Variants in GBE1 observed in about 807,000 individuals in gnomAD.
GBE1 encodes the protein 1,4-alpha-glucan-branching enzyme.
In GBE1, 70 loss-of-function variants were observed where a neutral mutation model predicts 88.8. That is an observed-to-expected ratio of 0.79 (90% CI 0.65 to 0.96). The LOEUF (loss-of-function observed/expected upper bound fraction) is 0.96, where lower values mean the gene tolerates loss of function less well. GBE1 is among the 40% of genes least tolerant of loss of function. The pLI, the probability that GBE1 is intolerant of heterozygous loss-of-function variation, is 0.00. For synonymous variants in GBE1, 284 were observed against 300.1 expected (o/e 0.95, Z 0.56); for missense variants, 872 against 871.0 (o/e 1.00, Z -0.01).
intron 12 of GBE1, among the ~76,000 whole-genome samples, chr3:81,537,845 C>A (rs1033871029): frequency 1.3e-5 from 2 of 151,888 alleles, no homozygotes; most frequent in African/African-American, 4.8e-5. Context: ...AGACCCCTGG[C>A]TGGGGATCTA....
chr3:81,698,446 T>C (rs1267432533), intron 2 of GBE1, among the ~76,000 whole-genome samples: 1 of 152,138 alleles, frequency 6.6e-6, no homozygotes, highest in East Asian at 1.9e-4. Flanking sequence ...TGGACAAAAA[T>C]GAATGAAAGC....
intron 1 of GBE1, among the ~76,000 whole-genome samples, chr3:81,719,932 C>T (rs1559698293): frequency 1.3e-5 from 2 of 152,034 alleles, no homozygotes; most frequent in Non-Finnish European, 2.9e-5. Context: ...GGATGTTAGC[C>T]TTGTGAATGT....
chr3:81,564,197 C>T (rs2106914127), intron 12 of GBE1, among the ~76,000 whole-genome samples: 1 of 152,118 alleles, frequency 6.6e-6, no homozygotes, highest in East Asian at 1.9e-4. Flanking sequence ...GATACAATGC[C>T]CATCCTCACA....
intron 11 of GBE1, 41 bp downstream of exon 11, chr3:81,581,124 G>C: frequency 8.7e-7 from 1 of 1,144,826 alleles, no homozygotes; most frequent in Non-Finnish European, 1.3e-6. Flanking sequence ...GAGGAAGAGA[G>C]AGAGAGAGAA....
chr3:81,740,268 T>C (rs1036815662), intron 1 of GBE1, among the ~76,000 whole-genome samples: 3 of 129,490 alleles, frequency 2.3e-5, no homozygotes, highest in African/African-American at 9.4e-5. Context: ...TTACAGTGTA[T>C]TGGTTATTTA....
intron 11 of GBE1, among the ~76,000 whole-genome samples, chr3:81,580,263 T>G (rs1270155955): frequency 6.6e-6 from 1 of 152,120 alleles, no homozygotes; most frequent in Admixed American, 6.6e-5. Context: ...TTAAAAATAT[T>G]TATTAAGTGA....
chr3:81,495,854 C>A (rs1210988664), intron 15 of GBE1, among the ~76,000 whole-genome samples: 1 of 152,118 alleles, frequency 6.6e-6, no homozygotes, highest in Non-Finnish European at 1.5e-5. Context: ...TTTTGAACCT[C>A]CAAATTTAGA....
intron 7 of GBE1, among the ~76,000 whole-genome samples, chr3:81,637,862 A>T (rs971036114): frequency 6.6e-6 from 1 of 152,102 alleles, no homozygotes; most frequent in Non-Finnish European, 1.5e-5. Flanking sequence ...ATATATAATT[A>T]AGCTAAAATT....
At chr3:81,683,235 T>C (rs758142035) in intron 2 of GBE1, among the ~76,000 whole-genome samples, 2 of 152,238 alleles carry the variant, frequency 1.3e-5, no homozygotes, top group Non-Finnish European at 2.9e-5. Flanking sequence ...CTGTATGCTA[T>C]GTGAATTATA....
chr3:81,617,506 C>T (rs1704264515), intron 7 of GBE1, among the ~76,000 whole-genome samples: 1 of 151,740 alleles, frequency 6.6e-6, no homozygotes, highest in African/African-American at 2.4e-5. Flanking sequence ...TCTTCTTTAG[C>T]TTGTTACTGT....
chr3:81,715,922 AAGT>A (rs1284370855), intron 1 of GBE1, among the ~76,000 whole-genome samples: 2 of 152,216 alleles, frequency 1.3e-5, no homozygotes, highest in African/African-American at 4.8e-5. Flanking sequence ...TCCAATTTCT[AAGT>A]AGAAAACTTA....
intron 3 of GBE1, among the ~76,000 whole-genome samples, chr3:81,666,732 AT>A (rs1359396028): frequency 6.6e-6 from 1 of 152,226 alleles, no homozygotes; most frequent in Non-Finnish European, 1.5e-5. Context: ...TGCCACAAAC[AT>A]ATCAATGTGA....
chr3:81,742,288 TA>T (rs1254784619), intron 1 of GBE1, among the ~76,000 whole-genome samples: 3 of 152,134 alleles, frequency 2.0e-5, no homozygotes, highest in South Asian at 2.1e-4. Flanking sequence ...TTGAACGTTA[TA>T]AAAAAATCAG....
intron 7 of GBE1, chr3:81,642,570 G>A (rs1408132195): frequency 3.7e-5 from 17 of 462,458 alleles, no homozygotes; most frequent in South Asian, 6.3e-5. Context: ...TTTACATGGC[G>A]TAAGATATGT....
chr3:81,751,497 A>G (rs988269701), intron 1 of GBE1, among the ~76,000 whole-genome samples: 1 of 152,264 alleles, frequency 6.6e-6, no homozygotes, highest in African/African-American at 2.4e-5. Context: ...AACCAGTTGA[A>G]GTTTACAAGA....
intron 3 of GBE1, among the ~76,000 whole-genome samples, chr3:81,652,389 G>T (rs974905050): frequency 1.3e-5 from 2 of 152,188 alleles, no homozygotes; most frequent in Admixed American, 6.5e-5. Context: ...TCACAGACTT[G>T]ACAAAGGAGT....
At chr3:81,495,162 G>A (rs1287305102) in intron 15 of GBE1, among the ~76,000 whole-genome samples, 3 of 152,232 alleles carry the variant, frequency 2.0e-5, no homozygotes, top group Admixed American at 1.3e-4. Context: ...GCCGAGGCAG[G>A]TGGATCACCT....
At chr3:81,622,735 T>C (rs1245531237) in intron 7 of GBE1, among the ~76,000 whole-genome samples, 1 of 152,212 alleles carries the variant, frequency 6.6e-6, no homozygotes, top group Non-Finnish European at 1.5e-5. Context: ...GTGTACCTTA[T>C]GACAGAAGTC....
intron 12 of GBE1, among the ~76,000 whole-genome samples, chr3:81,566,741 A>T (rs975963752): frequency 3.3e-5 from 5 of 151,854 alleles, no homozygotes; most frequent in Non-Finnish European, 5.9e-5. Context: ...TCTTCACAAA[A>T]CCCCACTTAC....
Sources: allele counts gnomAD v4.1 joint callset (sites outside exome capture counted in the v4.1 genomes callset), GRCh38; gene constraint gnomAD v4.1.1; transcripts MANE v1.5; gene names NCBI Gene and HGNC (gene_info 2026-07-23, HGNC 2026-07-21).